The following UMAD1 variants were observed in gnomAD, a reference collection of about 807,000 sequenced individuals.
The protein encoded by UMAD1 is UBAP1-MVB12-associated (UMA)-domain containing protein 1.
In UMAD1, 8 loss-of-function variants were observed where a neutral mutation model predicts 6.1. The observed-to-expected ratio is 1.30, with a 90% CI of 0.76 to 2.35. The LOEUF is 2.35. UMAD1 is among the 30% of genes most tolerant of loss of function. The probability of loss-of-function intolerance (pLI) is 0.00; values close to 1 mark genes in which losing one functional copy is unlikely to be tolerated. For missense variants in UMAD1, 130 were observed against 78.4 expected (o/e 1.66, Z -2.49); for synonymous variants, 56 against 31.4 (o/e 1.78, Z -2.61).
Position 7,654,902 on chromosome 7 carries a change from CAAA to C in UMAD1, c.-64+14095_-64+14097del, listed in dbSNP as rs71010994. Among the ~76,000 whole-genome samples the C allele has an allele frequency of 4.9e-3, 679 of 139,420 alleles. 2 individuals are homozygous for C. Among genetic ancestry groups the C allele is most frequent in the African/African-American group, 0.017 (646 of 36,942 alleles). 91.5% of individuals were successfully genotyped at this position (139,420 alleles called of 152,430 possible). On this transcript the variant is annotated intron_variant, in intron 1 of 3. Transcript: ENST00000682710. ...TGAGTGACAGAGTAAGACTCTGTCT[CAAA>C]AAAAAAAAAAAAATTTGTGATATTT...
intron 3 of UMAD1, among the ~76,000 whole-genome samples, chr7:7,871,225 A>G (rs967083575): frequency 3.3e-5 from 5 of 152,198 alleles, no homozygotes; most frequent in African/African-American, 1.2e-4. Context: ...GGTACAAAAT[A>G]TTAGCATCTT....
chr7:7,645,067 T>C (rs577083457), intron 1 of UMAD1, among the ~76,000 whole-genome samples: 1 of 152,232 alleles, frequency 6.6e-6, no homozygotes, highest in South Asian at 2.1e-4. Flanking sequence ...AATGGTATCA[T>C]TTTTTAAATT....
At chr7:7,641,952 TA>T (rs1245319400) in intron 1 of UMAD1, among the ~76,000 whole-genome samples, 1 of 152,228 alleles carries the variant, frequency 6.6e-6, no homozygotes, top group East Asian at 1.9e-4. Flanking sequence ...AACGGTACTT[TA>T]AAGGATTTCA....
chr7:7,731,448 A>AAAAAGG (rs67132863), intron 2 of UMAD1, among the ~76,000 whole-genome samples: 3 of 147,608 alleles, frequency 2.0e-5, no homozygotes, highest in South Asian at 2.2e-4. Context: ...AGTGAGGAAG[A>AAAAAGG]AAAAGGAAAA....
chr7:7,709,221 A>G (rs1290471653), intron 2 of UMAD1, among the ~76,000 whole-genome samples: 2 of 152,198 alleles, frequency 1.3e-5, no homozygotes, highest in African/African-American at 2.4e-5. Flanking sequence ...TATCTCAATT[A>G]TATGTGTGAA....
At chr7:7,790,801 TCATCTAG>T (rs1182331352) in intron 2 of UMAD1, among the ~76,000 whole-genome samples, 19 of 152,358 alleles carry the variant, frequency 1.2e-4, no homozygotes, top group Non-Finnish European at 2.2e-4. Context: ...AACTCTGTCT[TCATCTAG>T]TTATCACATT....
chr7:7,649,751 C>A (rs1268782145), intron 1 of UMAD1, among the ~76,000 whole-genome samples: 6 of 152,258 alleles, frequency 3.9e-5, no homozygotes, highest in East Asian at 1.9e-4. Flanking sequence ...TCTCTCCCCC[C>A]ACCCAATTCA....
At chr7:7,737,331 A>G (rs529728841) in intron 2 of UMAD1, among the ~76,000 whole-genome samples, 1 of 152,322 alleles carries the variant, frequency 6.6e-6, no homozygotes, top group East Asian at 1.9e-4. Context: ...TTTAGATCTA[A>G]TAACTTATGT....
intron 3 of UMAD1, among the ~76,000 whole-genome samples, chr7:7,859,323 T>A (rs1784073264): frequency 6.6e-6 from 1 of 152,216 alleles, no homozygotes; most frequent in South Asian, 2.1e-4. Context: ...TTTTTCTTAT[T>A]TGACTCCTAA....
intron 2 of UMAD1, among the ~76,000 whole-genome samples, chr7:7,782,698 G>A (rs1256283579): frequency 6.7e-6 from 1 of 150,094 alleles, no homozygotes; most frequent in Non-Finnish European, 1.5e-5. Context: ...CCTACAAGCC[G>A]AAACAATAGC....
intron 1 of UMAD1, among the ~76,000 whole-genome samples, chr7:7,648,630 C>G (rs868501320): frequency 3.9e-5 from 6 of 151,942 alleles, no homozygotes; most frequent in Admixed American, 6.6e-5. Context: ...GCAGGTAGAT[C>G]CCTTGAATTC....
At chr7:7,753,885 C>A (rs1017763126) in intron 2 of UMAD1, among the ~76,000 whole-genome samples, 1 of 152,074 alleles carries the variant, frequency 6.6e-6, no homozygotes, top group Non-Finnish European at 1.5e-5. Context: ...AATTCACATT[C>A]CCACCAACAG....
At chr7:7,806,880 C>A (rs1782927053) in intron 3 of UMAD1, among the ~76,000 whole-genome samples, 1 of 152,238 alleles carries the variant, frequency 6.6e-6, no homozygotes, top group African/African-American at 2.4e-5. Context: ...AGCATGGGTT[C>A]CATAAAGCTT....
At chr7:7,808,077 AGT>A (rs1163541415) in intron 3 of UMAD1, among the ~76,000 whole-genome samples, 16 of 152,032 alleles carry the variant, frequency 1.1e-4, no homozygotes, top group Non-Finnish European at 2.2e-4. Context: ...GTATGGAGAG[AGT>A]GAATGTGTAT....
chr7:7,759,679 A>C (rs138414214), intron 2 of UMAD1, among the ~76,000 whole-genome samples: 1 of 152,310 alleles, frequency 6.6e-6, no homozygotes, highest in African/African-American at 2.4e-5. Flanking sequence ...GAGGAAGGGA[A>C]ATTTAAGCTG....
At chr7:7,720,037 G>A (rs1781011793) in intron 2 of UMAD1, among the ~76,000 whole-genome samples, 1 of 152,100 alleles carries the variant, frequency 6.6e-6, no homozygotes, top group Non-Finnish European at 1.5e-5. Flanking sequence ...AGAGGGACTT[G>A]GTAAGCATGA....
At chr7:7,735,361 T>C (rs1210763314) in intron 2 of UMAD1, among the ~76,000 whole-genome samples, 1 of 152,114 alleles carries the variant, frequency 6.6e-6, no homozygotes, top group East Asian at 1.9e-4. Flanking sequence ...TTAATTTTAA[T>C]GTGTTGTAGA....
At chr7:7,711,447 C>T (rs1201935722) in intron 2 of UMAD1, among the ~76,000 whole-genome samples, 4 of 152,122 alleles carry the variant, frequency 2.6e-5, no homozygotes, top group Non-Finnish European at 5.9e-5. Context: ...CTATCCTTTT[C>T]ATATTATACT....
chr7:7,877,267 G>A lies in UMAD1; in HGVS notation c.157-14G>A, dbSNP rs930570646. On this transcript the variant is annotated splice_polypyrimidine_tract_variant and intron_variant, in intron 3 of 3. Transcript: ENST00000682710. ...TTCACAAGGCCTAAATGTTTTAAAT[G>A]TATGTATTTTTAGACCAACAAAGAA... The A allele has an allele frequency of 2.4e-5, 17 of 709,562 alleles. No individual in the cohort carries two copies. Among genetic ancestry groups the A allele is most frequent in the African/African-American group, 1.4e-4 (8 of 57,104 alleles). The allele number at this position is 709,562 out of a possible 1,614,324, so 44.0% of individuals were successfully genotyped here.
Sources: gnomAD v4.1 joint callset for allele counts (sites outside exome capture counted in the v4.1 genomes callset) on GRCh38, gnomAD v4.1.1 for gene constraint, MANE v1.5 for transcripts, NCBI Gene and HGNC (gene_info 2026-07-23, HGNC 2026-07-21) for gene names.